The following ZFP69 variants were observed in gnomAD, a reference collection of about 807,000 sequenced individuals.
ZFP69 encodes the protein zinc finger protein 69 homolog.
In ZFP69, 35 loss-of-function variants were observed where a neutral mutation model predicts 48.9. The ratio of observed to expected loss-of-function variants is 0.72; its 90% CI spans 0.55 to 0.95. The LOEUF (loss-of-function observed/expected upper bound fraction) is 0.95, where lower values mean the gene tolerates loss of function less well. Among genes scored for constraint, ZFP69 ranks in the 40% least tolerant of loss-of-function variants. ZFP69 has a pLI of 0.00. For synonymous variants in ZFP69, 193 were observed against 216.8 expected (o/e 0.89, Z 0.96); for missense variants, 557 against 638.4 (o/e 0.87, Z 1.37).
chr1:40,481,950 T>C, intron 3 of ZFP69, 96 bp downstream of exon 3: 1 of 864,140 alleles, frequency 1.2e-6, no homozygotes, highest in South Asian at 1.9e-5. Flanking sequence ...GGTGGTGAGG[T>C]AGGGTATTAA....
chr1:40,481,403 T>C (rs1002337684), intron 2 of ZFP69, among the ~76,000 whole-genome samples: 2 of 152,286 alleles, frequency 1.3e-5, no homozygotes, highest in East Asian at 3.9e-4. Flanking sequence ...TTCCTTCTTG[T>C]CAGTGGGGAA....
intron 3 of ZFP69, among the ~76,000 whole-genome samples, chr1:40,484,927 T>C (rs1386430586): frequency 9.9e-6 from 1 of 101,310 alleles, no homozygotes; most frequent in African/African-American, 3.8e-5. Context: ...AGTTTCACTC[T>C]TGTTGCCCAG....
intron 5 of ZFP69, among the ~76,000 whole-genome samples, chr1:40,492,999 G>C (rs1645584043): frequency 6.6e-6 from 1 of 152,152 alleles, no homozygotes; most frequent in Admixed American, 6.6e-5. Flanking sequence ...GCTGAGGCGG[G>C]CAGATCACCT....
chr1:40,478,285 C>T lies in ZFP69; in HGVS notation c.-327+391C>T, dbSNP rs146082463. Reference sequence around the variant, plus strand: ...CACGGTCAAAGCACCTGCTCAGATTCTAGGGTTTGGTTGAGATGATGGATT... The same window carrying T: ...CACGGTCAAAGCACCTGCTCAGATTTTAGGGTTTGGTTGAGATGATGGATT... On this transcript the variant is annotated intron_variant, in intron 1 of 5. Transcript: ENST00000372706. Among the ~76,000 whole-genome samples, 144 of 152,262 alleles carry T rather than the reference C, an allele frequency of 9.5e-4. 2 individuals carry two copies. Among genetic ancestry groups the T allele is most frequent in the African/African-American group, 3.3e-3 (138 of 41,540 alleles).
At chr1:40,494,362 G>A (rs890728177) in intron 5 of ZFP69, among the ~76,000 whole-genome samples, 2 of 134,430 alleles carry the variant, frequency 1.5e-5, no homozygotes, top group Non-Finnish European at 3.1e-5. Flanking sequence ...TCCGCCTCCC[G>A]GGTTCACGCC....
intron 2 of ZFP69, among the ~76,000 whole-genome samples, chr1:40,480,178 T>C (rs1645429153): frequency 6.6e-6 from 1 of 152,190 alleles, no homozygotes; most frequent in African/African-American, 2.4e-5. Context: ...TGGATTGAGA[T>C]AGGCATACAC....
Position 40,489,171 on chromosome 1 carries a change from C to G in ZFP69, c.303C>G (p.Tyr101Ter), listed in dbSNP as rs1645536707. Reference protein sequence around the residue: ...GQLAPAHQNLYREVMLENYSN... With the variant: ...GQLAPAHQNL ...TGGCTCCTGCTCACCAGAATCTATA[C>G]CGAGAGGTGATGCTGGAGAACTACA... Residue 101 changes from tyrosine (Y) to a stop codon, truncating the protein, a stop_gained, in exon 4 of 6, where the codon TAC becomes TAG. Coordinates refer to ENST00000372706, the MANE Select transcript of ZFP69 (RefSeq NM_001320179.2). LOFTEE classifies it high-confidence loss of function. The G allele has an allele frequency of 6.8e-6, 11 of 1,614,144 alleles. No homozygotes were observed. The highest frequency in any genetic ancestry group is 2.2e-5 in the East Asian group (1 of 44,886).
Position 40,479,432 on chromosome 1 carries a change from A to C in ZFP69, c.71A>C (p.Lys24Thr), listed in dbSNP as rs775061188. ...STWVKLQHPKKAVEGAPLWED... is the reference protein window; with the variant it reads ...STWVKLQHPKTAVEGAPLWED... Reference sequence around the variant, plus strand: ...TGGGTGAAGCTGCAACATCCAAAGAAGGCCGTGGAGGGGGCGCCCCTGTGG... The same window carrying C: ...TGGGTGAAGCTGCAACATCCAAAGACGGCCGTGGAGGGGGCGCCCCTGTGG... Residue 24 changes from lysine to threonine, a missense_variant, in exon 2 of 6, where the codon AAG (lysine) becomes ACG (threonine). Transcript: ENST00000372706. 1.2e-6 allele frequency: 2 copies of C among 1,612,156 alleles called. No individual in the cohort carries two copies. The highest frequency in any genetic ancestry group is 8.5e-7 in the Non-Finnish European group (1 of 1,178,830).
chr1:40,478,684 A>G (rs111399629), intron 1 of ZFP69, among the ~76,000 whole-genome samples: 5 of 152,230 alleles, frequency 3.3e-5, no homozygotes, highest in African/African-American at 1.2e-4. Flanking sequence ...GTCTCAACCA[A>G]CATTACAACT....
At chr1:40,486,237 G>A (rs1029054187) in intron 3 of ZFP69, among the ~76,000 whole-genome samples, 41 of 151,682 alleles carry the variant, frequency 2.7e-4, no homozygotes, top group African/African-American at 8.7e-4. Flanking sequence ...TGATTTTTGA[G>A]TTTATCCTTT....
rs1255782586 is a variant in ZFP69 at position 40,479,436 on chromosome 1, CG to C, written c.76del (p.Val26TrpfsTer10). ...WVKLQHPKKAVEGAPLWEDVT... is the reference protein window; with the variant it reads ...WVKLQHPKKAXEGAPLWEDVT... The stretch of plus-strand genomic sequence containing the variant: ...TGAAGCTGCAACATCCAAAGAAGGC[CG>C]TGGAGGGGGCGCCCCTGTGGGAGGA... On this transcript the variant is annotated frameshift_variant, in exon 2 of 6. Transcript: ENST00000372706. LOFTEE classifies it high-confidence loss of function. The C allele has an allele frequency of 6.2e-7, 1 of 1,613,892 alleles. No individual in the cohort carries two copies. Among genetic ancestry groups the C allele is most frequent in the Non-Finnish European group, 8.5e-7 (1 of 1,179,970 alleles).
chr1:40,489,676 A>C (rs763721047), intron 5 of ZFP69, 52 bp downstream of exon 5: 2 of 1,307,410 alleles, frequency 1.5e-6, no homozygotes, highest in Non-Finnish European at 2.2e-6. Flanking sequence ...GGAATACCTG[A>C]AACTTCATAA....
At chr1:40,481,500 G>T (rs55895254) in intron 2 of ZFP69, among the ~76,000 whole-genome samples, 9,068 of 152,040 alleles carry the variant, frequency 0.06, 383 homozygotes, top group African/African-American at 0.11. Flanking sequence ...TTTTGGAGGG[G>T]GGAGTGGGAT....
intron 3 of ZFP69, among the ~76,000 whole-genome samples, chr1:40,486,405 C>T (rs549209163): frequency 1.4e-3 from 211 of 148,518 alleles, no homozygotes; most frequent in Non-Finnish European, 2.7e-3. Context: ...TTCCTCCCTC[C>T]TTTCCTCCCT....
intron 3 of ZFP69, among the ~76,000 whole-genome samples, chr1:40,484,135 CT>C (rs1645471466): frequency 6.6e-6 from 1 of 152,008 alleles, no homozygotes; most frequent in Non-Finnish European, 1.5e-5. Flanking sequence ...TAAGTGTATA[CT>C]TTTGTTTGCT....
intron 3 of ZFP69, 139 bp downstream of exon 3, chr1:40,481,993 A>C: frequency 2.1e-6 from 1 of 487,782 alleles, no homozygotes; most frequent in South Asian, 6.4e-5. Context: ...AGCTCAATGC[A>C]AGTTGTCCTT....
At position 40,495,049 on chromosome 1, in the gene ZFP69, G is replaced by C; in HGVS notation, c.571G>C (p.Val191Leu). 1 of 1,613,978 alleles carries C rather than the reference G, an allele frequency of 6.2e-7. No homozygotes were observed. Among genetic ancestry groups the C allele is most frequent in the East Asian group, 2.2e-5 (1 of 44,850 alleles). The stretch of plus-strand genomic sequence containing the variant: ...TATAATTTATTCCACGTTGAGAAAA[G>C]TCTCCACATATGATGATGTCTTAGA... ...DDIIYSTLRKVSTYDDVLERH... is the reference protein window; with the variant it reads ...DDIIYSTLRKLSTYDDVLERH... Residue 191 changes from valine (V) to leucine (L), a missense_variant, in exon 6 of 6, where the codon GTC becomes CTC. Coordinates refer to ENST00000372706, the MANE Select transcript of ZFP69 (RefSeq NM_001320179.2).
rs771472344 is a variant in ZFP69, at chr1:40,495,617, A to G, written c.1139A>G (p.Glu380Gly). The change falls in exon 6 of 6, where the codon GAG (glutamate) becomes GGG (glycine). Residue 380 changes from glutamate to glycine, a missense_variant. Physicochemically the swap from Glu to Gly is moderately conservative, Grantham distance 98. Coordinates refer to ENST00000372706, the MANE Select transcript of ZFP69 (RefSeq NM_001320179.2). ...CAACATTTGAGGACTCATTCTGGAG[A>G]GAAACCTTTTACTTGCAATGAATGT... is the stretch of plus-strand genomic sequence containing the variant. The part of the protein sequence containing the change: ...LVQHLRTHSG[E>G]KPFTCNECGK... 1.9e-6 allele frequency: 3 copies of G among 1,614,258 alleles called. No homozygotes were observed. In the African/African-American group the frequency reaches 4.0e-5, roughly 22 times the overall value.
In ZFP69 at chr1:40,496,092, G is replaced by T; in HGVS notation, c.*33G>T. The T allele has an allele frequency of 6.6e-7, 1 of 1,526,058 alleles. No homozygotes were observed. The highest frequency in any genetic ancestry group is 8.8e-7 in the Non-Finnish European group (1 of 1,140,124). The allele number at this position is 1,526,058 out of a possible 1,614,324, so 94.5% of individuals were successfully genotyped here. ...TATTTGACTTGAGAACAAAAGCCAA[G>T]TGTAAATTGGTGATTTAGAGTGCTT... On this transcript the variant is annotated 3_prime_UTR_variant, in exon 6 of 6. Coordinates refer to ENST00000372706, the MANE Select transcript of ZFP69 (RefSeq NM_001320179.2).
Sources: gnomAD v4.1 joint callset for allele counts (sites outside exome capture counted in the v4.1 genomes callset) on GRCh38, gnomAD v4.1.1 for gene constraint, MANE v1.5 for transcripts, NCBI Gene and HGNC (gene_info 2026-07-23, HGNC 2026-07-21) for gene names.